The following NOS1 variants were observed in gnomAD, a reference collection of about 807,000 sequenced individuals.
The protein encoded by NOS1 is nitric oxide synthase 1, also known as NOS type I.
In NOS1, 51 loss-of-function variants were observed where a neutral mutation model predicts 164.5. The ratio of observed to expected loss-of-function variants is 0.31; its 90% CI spans 0.25 to 0.39. NOS1 has a LOEUF of 0.39. NOS1 is among the 10% of genes least tolerant of loss of function. The probability of loss-of-function intolerance (pLI) is 1.00; values close to 1 mark genes in which losing one functional copy is unlikely to be tolerated. For missense variants in NOS1, 1,362 were observed against 1,885.6 expected (o/e 0.72, Z 5.14); for synonymous variants, 719 against 745.8 (o/e 0.96, Z 0.59).
chr12:117,279,987 CGGGGTATTATTT>C, intron 8 of NOS1, among the ~76,000 whole-genome samples: 1 of 152,226 alleles, frequency 6.6e-6, no homozygotes, highest in South Asian at 2.1e-4. Flanking sequence ...TGAAATTCAG[CGGGGTATTATTT>C]GGGTGATAAA....
At chr12:117,261,404 A>G (rs1238617650) in intron 13 of NOS1, among the ~76,000 whole-genome samples, 3 of 152,124 alleles carry the variant, frequency 2.0e-5, no homozygotes, top group African/African-American at 7.2e-5. Flanking sequence ...TAGGAAATGG[A>G]GACCACAGAG....
chr12:117,268,214 G>T, intron 10 of NOS1, 70 bp from the exon 11 acceptor site: 1 of 999,962 alleles, frequency 1.0e-6, no homozygotes, highest in Non-Finnish European at 1.6e-6. Context: ...GAGGGACAGG[G>T]CTAGTGGCGT....
chr12:117,231,707 A>G (rs147153941), intron 22 of NOS1, among the ~76,000 whole-genome samples: 1 of 152,372 alleles, frequency 6.6e-6, no homozygotes, highest in Non-Finnish European at 1.5e-5. Context: ...AAGAAGACAG[A>G]AAGAGTTAGA....
intron 3 of NOS1, chr12:117,309,171 T>C (rs1333548051): frequency 4.1e-5 from 7 of 169,262 alleles, no homozygotes; most frequent in Admixed American, 2.6e-4. Context: ...TAATCATGAA[T>C]GGAGAATAGT....
chr12:117,256,483 G>T (rs1460237734), intron 16 of NOS1, among the ~76,000 whole-genome samples: 1 of 151,652 alleles, frequency 6.6e-6, no homozygotes, highest in Non-Finnish European at 1.5e-5. Flanking sequence ...TCACCATGTT[G>T]GCCAGGCTGG....
chr12:117,232,158 G>A, intron 21 of NOS1, 27 bp from the exon 22 acceptor site: 1 of 1,610,204 alleles, frequency 6.2e-7, no homozygotes, highest in Non-Finnish European at 8.5e-7. Flanking sequence ...CAGGTGACAG[G>A]TGGGTGTGGG....
In NOS1 at chr12:117,280,902, C is replaced by A. The variant is rs186316832; in HGVS notation, c.1383-36G>T. On this transcript the variant is annotated intron_variant, in intron 7 of 28. Coordinates refer to ENST00000317775, the MANE Select transcript of NOS1 (RefSeq NM_000620.5). ...GAGAGGGGAACACCCGGCATCAGGGCGGGACTTGCGCTGTGGGAACATACT... is the reference window on the plus strand; with the variant it reads ...GAGAGGGGAACACCCGGCATCAGGGAGGGACTTGCGCTGTGGGAACATACT... The A allele has an allele frequency of 1.0e-4, 161 of 1,606,664 alleles. No individual in the cohort carries two copies. In the East Asian group the frequency reaches 3.1e-3, roughly 31 times the overall value.
intron 21 of NOS1, 118 bp from the exon 22 acceptor site, chr12:117,232,249 C>T: frequency 1.2e-6 from 1 of 830,008 alleles, no homozygotes; most frequent in Non-Finnish European, 1.9e-6. Flanking sequence ...GCTCCAGAGC[C>T]AAGCAACCTT....
At chr12:117,225,192 C>T in intron 24 of NOS1, 55 bp from the exon 25 acceptor site, 1 of 1,567,716 alleles carries the variant, frequency 6.4e-7, no homozygotes, top group Non-Finnish European at 8.6e-7. Context: ...CAATCAAGAA[C>T]AATTGAATCT....
At chr12:117,357,558 C>T (rs1259424679) in intron 1 of NOS1, among the ~76,000 whole-genome samples, 1 of 152,176 alleles carries the variant, frequency 6.6e-6, no homozygotes, top group Non-Finnish European at 1.5e-5. Flanking sequence ...TGACTTTCAT[C>T]GAGTCACATG....
At chr12:117,340,871 CTA>C (rs1566083661) in intron 1 of NOS1, among the ~76,000 whole-genome samples, 1 of 96,434 alleles carries the variant, frequency 1.0e-5, no homozygotes, top group East Asian at 2.7e-4. Context: ...TCACACCTGG[CTA>C]TTTTTTTTTT....
Position 117,360,381 on chromosome 12 carries a change from C to G in NOS1, c.-421+1131G>C, listed in dbSNP as rs116522969. 3.4e-3 allele frequency among the ~76,000 whole-genome samples: 516 copies of G among 152,322 alleles called. 7 individuals carry two copies. Among genetic ancestry groups the G allele is most frequent in the African/African-American group, 0.012 (493 of 41,578 alleles). On this transcript the variant is annotated intron_variant, in intron 1 of 28. Transcript: ENST00000317775. ...GTTGGATCCCCCGGGGACCCTGCTC[C>G]GAACCCTGGCCACCTGGAAGCAACC...
rs754593517 is a variant in NOS1, at chr12:117,247,503, C to T, written c.2668G>A (p.Gly890Ser). 2 of 1,608,658 alleles carry T rather than the reference C, an allele frequency of 1.2e-6. No homozygotes were observed. Among genetic ancestry groups the T allele is most frequent in the East Asian group, 2.2e-5 (1 of 44,530 alleles). Residue 890 changes from glycine to serine, a missense_variant, in exon 18 of 29, where the codon GGC (glycine) becomes AGC (serine). Transcript: ENST00000317775. ...CAAAAGTGAGGGTATGCTCGTGAGC[C>T]GAGGCCAAAAACTGAGAACCTGTCA... ...ANVRFSVFGL[G>S]SRAYPHFCAF...
chr12:117,290,215 C>T, intron 4 of NOS1, 83 bp downstream of exon 4: 1 of 1,537,120 alleles, frequency 6.5e-7, no homozygotes, highest in Admixed American at 1.9e-5. Context: ...AGGACAGCCC[C>T]CACAACAAAG....
chr12:117,265,948 G>A (rs1194173060), intron 11 of NOS1, among the ~76,000 whole-genome samples: 5 of 125,100 alleles, frequency 4.0e-5, no homozygotes, highest in Admixed American at 1.5e-4. Context: ...CCGCCACCAC[G>A]CCTGGCTAAT....
At chr12:117,292,421 C>G (rs2136028592) in intron 3 of NOS1, among the ~76,000 whole-genome samples, 1 of 152,264 alleles carries the variant, frequency 6.6e-6, no homozygotes, top group East Asian at 1.9e-4. Flanking sequence ...GGGCACTCAT[C>G]TCACTGGCTT....
chr12:117,290,392 T>C lies in NOS1; in HGVS notation c.887A>G (p.Asn296Ser). ...GCGTGGACACTTGGAGGGGCTGCCA[T>C]TCTTTGTGGGGGACTGTTTTCCTGA... ...PTSGKQSPTK[N>S]GSPSKCPRFL... Residue 296 changes from asparagine (N) to serine (S), a missense_variant, in exon 4 of 29, where the codon AAT becomes AGT. Asn to Ser is a conservative substitution (Grantham distance 46). Transcript: ENST00000317775. The C allele has an allele frequency of 6.2e-7, 1 of 1,613,742 alleles. No homozygotes were observed.
chr12:117,233,766 C>T (rs998245138), intron 21 of NOS1, among the ~76,000 whole-genome samples: 5 of 148,434 alleles, frequency 3.4e-5, no homozygotes, highest in Admixed American at 6.8e-5. Context: ...CAAGATTGCG[C>T]CACTGCACTC....
intron 1 of NOS1, among the ~76,000 whole-genome samples, chr12:117,357,559 G>A (rs1017800552): frequency 3.9e-5 from 6 of 152,124 alleles, no homozygotes; most frequent in African/African-American, 1.4e-4. Context: ...GACTTTCATC[G>A]AGTCACATGC....
Sources: allele counts gnomAD v4.1 joint callset (sites outside exome capture counted in the v4.1 genomes callset), GRCh38; gene constraint gnomAD v4.1.1; transcripts MANE v1.5; gene names NCBI Gene and HGNC (gene_info 2026-07-23, HGNC 2026-07-21).